Variants in MINDY4B observed in about 807,000 individuals in gnomAD.
MINDY4B encodes inactive ubiquitin carboxyl-terminal hydrolase MINDY-4B.
A neutral mutation model predicts 16.7 loss-of-function variants in MINDY4B; 25 were observed. The ratio of observed to expected loss-of-function variants is 1.49; its 90% CI spans 1.09 to 2.09. The LOEUF is 2.09. MINDY4B is among the 30% of genes most tolerant of loss of function. The pLI is 0.00. For missense variants in MINDY4B, 327 were observed against 168.4 expected (o/e 1.94, Z -5.21); for synonymous variants, 132 against 61.9 (o/e 2.13, Z -5.32).
At chr3:150,877,093 T>G (rs73019271) in intron 10 of MINDY4B, among the ~76,000 whole-genome samples, 1 of 152,094 alleles carries the variant, frequency 6.6e-6, no homozygotes, top group Non-Finnish European at 1.5e-5. Flanking sequence ...ACATTGGGAC[T>G]GAAAGGCACA....
At chr3:150,883,135 A>G (rs1711549167) in intron 9 of MINDY4B, 77 bp from the exon 10 acceptor site, 1 of 570,454 alleles carries the variant, frequency 1.8e-6, no homozygotes, top group Non-Finnish European at 3.1e-6. Context: ...CTTAAAAATC[A>G]TTAAAAATTA....
rs1711759356 is a variant in MINDY4B at position 150,890,103 on chromosome 3, A to T, written c.753+217T>A. 2.0e-5 allele frequency among the ~76,000 whole-genome samples: 3 copies of T among 152,336 alleles called. No individual in the cohort carries two copies. In the South Asian group the frequency reaches 6.2e-4, roughly 32 times the overall value. On this transcript the variant is annotated intron_variant, in intron 7 of 11. Transcript: ENST00000465419. Reference sequence around the variant, plus strand: ...TGGTCTTGATTAACCAAAGAAAAAGATGCATTCGTGAGTGGGTCTGTGTGT... The same window carrying T: ...TGGTCTTGATTAACCAAAGAAAAAGTTGCATTCGTGAGTGGGTCTGTGTGT...
chr3:150,897,397 G>A (rs1460367497), intron 3 of MINDY4B, among the ~76,000 whole-genome samples: 1 of 146,120 alleles, frequency 6.8e-6, no homozygotes, highest in Non-Finnish European at 1.5e-5. Context: ...AAGAGTAGAA[G>A]CTCAGATTGC....
In MINDY4B at chr3:150,905,049, G is replaced by A. The variant is rs1221450465; in HGVS notation, c.141+13C>T. 2.5e-6 allele frequency: 1 copy of A among 398,378 alleles called. No homozygotes were observed. The highest frequency in any genetic ancestry group is 3.6e-5 in the East Asian group (1 of 28,078). The allele number at this position is 398,378 out of a possible 1,614,324, so 24.7% of individuals were successfully genotyped here. The stretch of plus-strand genomic sequence containing the variant: ...CTAAAGGAGAACACACTGGCTTTGG[G>A]AAAAGTAATTACCTGAGGAGTTGAA... On this transcript the variant is annotated intron_variant, in intron 2 of 11. Transcript: ENST00000465419.
intron 7 of MINDY4B, among the ~76,000 whole-genome samples, chr3:150,889,252 G>T (rs999714476): frequency 6.6e-6 from 1 of 152,230 alleles, no homozygotes; most frequent in Non-Finnish European, 1.5e-5. Flanking sequence ...TTCTAGCAAC[G>T]CGAGAGAAGA....
At chr3:150,872,474 C>T (rs546821299) in intron 11 of MINDY4B, among the ~76,000 whole-genome samples, 1 of 152,174 alleles carries the variant, frequency 6.6e-6, no homozygotes, top group African/African-American at 2.4e-5. Flanking sequence ...AGTGTTAATA[C>T]CTCGTCCGGG....
chr3:150,894,175 C>A lies in MINDY4B; in HGVS notation c.429+11G>T, dbSNP rs1711898284. The A allele has an allele frequency of 1.5e-6, 1 of 677,272 alleles. No individual in the cohort carries two copies. Among genetic ancestry groups the A allele is most frequent in the Non-Finnish European group, 2.6e-6 (1 of 377,754 alleles). 42.0% of individuals were successfully genotyped at this position (677,272 alleles called of 1,614,324 possible). A position where few individuals can be genotyped will look rare whatever the true frequency, so the allele number is the denominator to read the frequency against. ...AATAAGGTTTTTTAAAAATTATAAA[C>A]TGGCTATTACCTTTCCCACTTCCAG... is the stretch of plus-strand genomic sequence containing the variant. On this transcript the variant is annotated intron_variant, in intron 4 of 11. Transcript: ENST00000465419.
At chr3:150,890,743 G>C (rs1192509251) in intron 6 of MINDY4B, 195 bp downstream of exon 6, 1 of 527,780 alleles carries the variant, frequency 1.9e-6, no homozygotes, top group Non-Finnish European at 3.4e-6. Context: ...GAATTCCATA[G>C]CAGGAATTTA....
intron 7 of MINDY4B, 87 bp downstream of exon 7, chr3:150,890,233 A>G: frequency 2.4e-6 from 1 of 411,508 alleles, no homozygotes. Context: ...CTTAACAGGC[A>G]TCATTAGAAA....
intron 2 of MINDY4B, among the ~76,000 whole-genome samples, chr3:150,903,669 A>G (rs1414518158): frequency 1.3e-5 from 2 of 152,240 alleles, no homozygotes; most frequent in African/African-American, 2.4e-5. Flanking sequence ...AATTAATGCC[A>G]TCAAGACCTT....
intron 7 of MINDY4B, among the ~76,000 whole-genome samples, chr3:150,888,255 T>C (rs1262958170): frequency 1.3e-5 from 2 of 151,790 alleles, no homozygotes; most frequent in African/African-American, 2.4e-5. Flanking sequence ...ATGGTGTTCT[T>C]CCATGTGTTC....
chr3:150,898,667 G>T (rs906884891), intron 3 of MINDY4B, among the ~76,000 whole-genome samples: 1 of 152,208 alleles, frequency 6.6e-6, no homozygotes, highest in Non-Finnish European at 1.5e-5. Context: ...AATCAAGCAT[G>T]GTTTATAGTT....
intron 4 of MINDY4B, 75 bp from the exon 5 acceptor site, chr3:150,893,490 T>C (rs949382305): frequency 7.1e-6 from 5 of 699,422 alleles, no homozygotes; most frequent in Non-Finnish European, 1.3e-5. Flanking sequence ...CTGCAGGCTT[T>C]TCCCTCCTGG....
intron 3 of MINDY4B, among the ~76,000 whole-genome samples, chr3:150,902,179 A>G (rs1048438482): frequency 1.3e-5 from 2 of 152,170 alleles, no homozygotes; most frequent in African/African-American, 2.4e-5. Flanking sequence ...CTCGATGTAC[A>G]TGGCAGGCCT....
At chr3:150,880,934 G>T (rs1711516647) in intron 10 of MINDY4B, among the ~76,000 whole-genome samples, 1 of 152,158 alleles carries the variant, frequency 6.6e-6, no homozygotes, top group African/African-American at 2.4e-5. Context: ...TTCTGGCTTA[G>T]TTTTACTCTT....
intron 10 of MINDY4B, among the ~76,000 whole-genome samples, chr3:150,877,341 AG>A (rs1317976765): frequency 6.6e-6 from 1 of 152,124 alleles, no homozygotes; most frequent in Non-Finnish European, 1.5e-5. Context: ...ATATCCACAA[AG>A]CACTTGTATA....
chr3:150,893,696 TGGGGG>T (rs761403270), intron 4 of MINDY4B, among the ~76,000 whole-genome samples: 1 of 53,596 alleles, frequency 1.9e-5, no homozygotes, highest in African/African-American at 4.8e-5. Context: ...AGTTTTTTTT[TGGGGG>T]GGGGGGTGGG....
At chr3:150,898,861 C>G (rs1186858656) in intron 3 of MINDY4B, among the ~76,000 whole-genome samples, 1 of 152,122 alleles carries the variant, frequency 6.6e-6, no homozygotes, top group African/African-American at 2.4e-5. Context: ...ATGTTCTTAC[C>G]CTGACTGCCT....
intron 5 of MINDY4B, among the ~76,000 whole-genome samples, chr3:150,892,174 C>T (rs1711832645): frequency 2.0e-5 from 3 of 152,208 alleles, no homozygotes; most frequent in Non-Finnish European, 4.4e-5. Flanking sequence ...TGGCCCACAG[C>T]CAGTGCCTCA....
Sources: gnomAD v4.1 joint callset for allele counts (sites outside exome capture counted in the v4.1 genomes callset) on GRCh38, gnomAD v4.1.1 for gene constraint, MANE v1.5 for transcripts, NCBI Gene and HGNC (gene_info 2026-07-23, HGNC 2026-07-21) for gene names.